Variants in SDK1 observed in about 807,000 individuals in gnomAD.
SDK1 encodes the protein sidekick cell adhesion molecule 1.
In SDK1, 157 loss-of-function variants were observed where a neutral mutation model predicts 245.5. That is an observed-to-expected ratio of 0.64 (90% CI 0.56 to 0.73). The LOEUF (loss-of-function observed/expected upper bound fraction) is 0.73, where lower values mean the gene tolerates loss of function less well. Among genes scored for constraint, SDK1 ranks in the 30% least tolerant of loss-of-function variants. The pLI is 0.00. For synonymous variants in SDK1, 1,647 were observed against 1,278.5 expected, an observed-to-expected ratio of 1.29 and a Z score of -6.15; for missense variants, 3,583 against 3,002.3, an observed-to-expected ratio of 1.19 and a Z score of -4.52.
intron 1 of SDK1, among the ~76,000 whole-genome samples, chr7:3,596,358 C>A (rs73673634): frequency 0.11 from 16,744 of 152,150 alleles, 1,508 homozygotes; most frequent in East Asian, 0.34. Flanking sequence ...CAGAACAAAC[C>A]ACAGTCATTG....
chr7:4,067,994 T>A, intron 20 of SDK1, 58 bp downstream of exon 20: 1 of 1,292,894 alleles, frequency 7.7e-7, no homozygotes, highest in Non-Finnish European at 1.1e-6. Context: ...CAAAAAGAAG[T>A]GGCTGTCACT....
chr7:3,503,155 T>C (rs1782272525), intron 1 of SDK1, among the ~76,000 whole-genome samples: 1 of 152,182 alleles, frequency 6.6e-6, no homozygotes, highest in Non-Finnish European at 1.5e-5. Context: ...GGGAGTATTA[T>C]CACAAAATAT....
At chr7:3,624,390 G>A (rs1782047269) in intron 2 of SDK1, among the ~76,000 whole-genome samples, 2 of 152,008 alleles carry the variant, frequency 1.3e-5, no homozygotes, top group Admixed American at 1.3e-4. Context: ...GTGCAGATGG[G>A]GTTGCACTGT....
At chr7:4,021,462 G>A (rs1480229002) in intron 17 of SDK1, among the ~76,000 whole-genome samples, 1 of 152,206 alleles carries the variant, frequency 6.6e-6, no homozygotes, top group Non-Finnish European at 1.5e-5. Flanking sequence ...AAACAAGATA[G>A]AGCTGTGTTT....
intron 32 of SDK1, among the ~76,000 whole-genome samples, chr7:4,163,200 C>T (rs965568364): frequency 2.6e-5 from 4 of 151,948 alleles, no homozygotes; most frequent in Non-Finnish European, 2.9e-5. Context: ...GGGGTGGGTA[C>T]GGCATGAGGA....
chr7:3,351,883 C>G (rs963317611), intron 1 of SDK1, among the ~76,000 whole-genome samples: 2 of 151,936 alleles, frequency 1.3e-5, no homozygotes, highest in Non-Finnish European at 2.9e-5. Context: ...ATGAACAAAT[C>G]TGACCTCATG....
intron 1 of SDK1, among the ~76,000 whole-genome samples, chr7:3,530,948 G>T (rs182803720): frequency 6.6e-6 from 1 of 152,170 alleles, no homozygotes; most frequent in African/African-American, 2.4e-5. Context: ...AGTCTTTATC[G>T]TATAGTTGAT....
intron 22 of SDK1, among the ~76,000 whole-genome samples, chr7:4,100,591 C>T (rs771710091): frequency 5.3e-5 from 8 of 152,156 alleles, no homozygotes; most frequent in African/African-American, 1.9e-4. Flanking sequence ...CCTTCCACCA[C>T]GTGAGGACAC....
chr7:4,078,012 G>A (rs1040725943), intron 21 of SDK1, among the ~76,000 whole-genome samples: 6 of 152,208 alleles, frequency 3.9e-5, no homozygotes, highest in Admixed American at 1.3e-4. Flanking sequence ...TGTTTATCCA[G>A]GGCAGGGAAA....
chr7:4,161,928 C>G (rs1781161030), intron 32 of SDK1, 72 bp downstream of exon 32: 1 of 1,309,136 alleles, frequency 7.6e-7, no homozygotes, highest in Non-Finnish European at 1.1e-6. Flanking sequence ...GCCACAACGG[C>G]TGACATGGAC....
intron 25 of SDK1, among the ~76,000 whole-genome samples, chr7:4,116,617 A>C (rs6965326): frequency 0.052 from 7,914 of 152,304 alleles, 260 homozygotes; most frequent in African/African-American, 0.075. Flanking sequence ...AATGCTGGTT[A>C]ACTTTCAGCC....
chr7:3,802,792 G>C lies in SDK1; in HGVS notation c.714-18658G>C, dbSNP rs570331122. Among the ~76,000 whole-genome samples the C allele has an allele frequency of 2.6e-5, 4 of 152,280 alleles. No individual in the cohort carries two copies. The South Asian group carries it at 6.2e-4, about 24-fold the overall frequency. Reference sequence around the variant, plus strand: ...TCCAAGTTGCATGTATCAATGGCTTGTTTCTTTTTATTGTGATGCCGGATT... The same window carrying C: ...TCCAAGTTGCATGTATCAATGGCTTCTTTCTTTTTATTGTGATGCCGGATT... On this transcript the variant is annotated intron_variant, in intron 4 of 44. Coordinates refer to ENST00000404826, the MANE Select transcript of SDK1 (RefSeq NM_152744.4).
intron 17 of SDK1, among the ~76,000 whole-genome samples, chr7:4,027,111 G>A (rs894731201): frequency 1.3e-5 from 2 of 152,142 alleles, no homozygotes; most frequent in African/African-American, 4.8e-5. Flanking sequence ...CTGGCTGCTC[G>A]GCTCCCAGCC....
At chr7:4,155,206 G>A (rs538332851) in intron 30 of SDK1, among the ~76,000 whole-genome samples, 9 of 140,592 alleles carry the variant, frequency 6.4e-5, no homozygotes, top group East Asian at 2.1e-4. Flanking sequence ...GGGCACTGGC[G>A]TGGCTTCCAC....
chr7:3,332,697 T>G (rs369536440), intron 1 of SDK1, among the ~76,000 whole-genome samples: 1 of 152,206 alleles, frequency 6.6e-6, no homozygotes, highest in East Asian at 1.9e-4. Context: ...AATGTCATAA[T>G]GTGCTGTAGG....
intron 1 of SDK1, among the ~76,000 whole-genome samples, chr7:3,595,719 A>G (rs1022121890): frequency 2.7e-5 from 4 of 149,602 alleles, no homozygotes; most frequent in African/African-American, 4.9e-5. Context: ...TTAGACTTTG[A>G]ACGAGTCTAA....
chr7:3,492,328 A>T (rs910879385), intron 1 of SDK1, among the ~76,000 whole-genome samples: 2 of 152,164 alleles, frequency 1.3e-5, no homozygotes, highest in African/African-American at 2.4e-5. Flanking sequence ...CCCCGTCTCT[A>T]CTAAAAATAG....
At chr7:3,723,999 T>C (rs1426924980) in intron 4 of SDK1, among the ~76,000 whole-genome samples, 1 of 148,736 alleles carries the variant, frequency 6.7e-6, no homozygotes, top group African/African-American at 2.5e-5. Context: ...GAGTCTCACC[T>C]GTTGCCTAGG....
At chr7:3,342,528 C>T (rs1040715126) in intron 1 of SDK1, among the ~76,000 whole-genome samples, 10 of 151,754 alleles carry the variant, frequency 6.6e-5, no homozygotes, top group South Asian at 4.2e-4. Context: ...GTGGAGGTTG[C>T]GGTGAGCCGA....
Sources: gnomAD v4.1 joint callset for allele counts (sites outside exome capture counted in the v4.1 genomes callset) on GRCh38, gnomAD v4.1.1 for gene constraint, MANE v1.5 for transcripts, NCBI Gene and HGNC (gene_info 2026-07-23, HGNC 2026-07-21) for gene names.